ST18: variants seen among roughly 807,000 people sequenced by gnomAD.
ST18 encodes ST18 C2H2C-type zinc finger transcription factor.
A neutral mutation model predicts 110.0 loss-of-function variants in ST18; 50 were observed. The observed-to-expected ratio is 0.45, with a 90% CI of 0.36 to 0.58. The LOEUF (loss-of-function observed/expected upper bound fraction) is 0.58. Among genes scored for constraint, ST18 ranks in the 20% least tolerant of loss-of-function variants. ST18 has a pLI of 0.00. For synonymous variants in ST18, 461 were observed against 452.4 expected, an observed-to-expected ratio of 1.02 and a Z score of -0.24; for missense variants, 1,306 against 1,280.1, an observed-to-expected ratio of 1.02 and a Z score of -0.31.
At chr8:52,204,053 G>A (rs889970415) in intron 8 of ST18, among the ~76,000 whole-genome samples, 2 of 152,174 alleles carry the variant, frequency 1.3e-5, no homozygotes, top group Non-Finnish European at 2.9e-5. Context: ...GATACATGAT[G>A]AATGTTTAAG....
chr8:52,189,403 T>G (rs2073670760), intron 8 of ST18, among the ~76,000 whole-genome samples: 1 of 152,176 alleles, frequency 6.6e-6, no homozygotes, highest in Non-Finnish European at 1.5e-5. Context: ...ATTCCAGAAC[T>G]GCCATTACAA....
chr8:52,159,343 G>A (rs1296252943), intron 14 of ST18, among the ~76,000 whole-genome samples: 1 of 151,990 alleles, frequency 6.6e-6, no homozygotes, highest in Non-Finnish European at 1.5e-5. Flanking sequence ...TAATATTTTT[G>A]TATTTACGCT....
At chr8:52,374,817 G>A (rs567254039) in intron 2 of ST18, among the ~76,000 whole-genome samples, 2 of 152,134 alleles carry the variant, frequency 1.3e-5, no homozygotes, top group African/African-American at 2.4e-5. Flanking sequence ...GTTTGCTGAG[G>A]ATAATGATTT....
intron 2 of ST18, among the ~76,000 whole-genome samples, chr8:52,329,022 G>T (rs554073555): frequency 6.6e-6 from 1 of 152,038 alleles, no homozygotes; most frequent in East Asian, 1.9e-4. Flanking sequence ...TGTGCCCTGA[G>T]GATTCATTTA....
chr8:52,199,456 G>A (rs563337685), intron 8 of ST18: 1 of 152,092 alleles, frequency 6.6e-6, no homozygotes, highest in Non-Finnish European at 1.5e-5. Flanking sequence ...CAGGGATCGT[G>A]GGGTTAAAAA....
At chr8:52,213,209 C>T (rs1379459192) in intron 7 of ST18, among the ~76,000 whole-genome samples, 1 of 151,982 alleles carries the variant, frequency 6.6e-6, no homozygotes, top group African/African-American at 2.4e-5. Flanking sequence ...TTTTGATTAC[C>T]ATGGTTAATG....
intron 8 of ST18, chr8:52,194,607 G>A (rs1379700782): frequency 6.6e-6 from 1 of 152,216 alleles, no homozygotes; most frequent in African/African-American, 2.4e-5. Flanking sequence ...TCCTCCGGGA[G>A]AGCCATCAAC....
At chr8:52,379,184 G>T (rs1450800312) in intron 2 of ST18, among the ~76,000 whole-genome samples, 4 of 148,968 alleles carry the variant, frequency 2.7e-5, no homozygotes, top group Non-Finnish European at 5.9e-5. Flanking sequence ...TGCAACCTCT[G>T]CCTCCCAGGT....
At chr8:52,363,993 T>A (rs1351229458) in intron 2 of ST18, among the ~76,000 whole-genome samples, 3 of 152,198 alleles carry the variant, frequency 2.0e-5, no homozygotes, top group African/African-American at 7.2e-5. Context: ...GACAGTATTT[T>A]TCAAGATCCC....
chr8:52,236,364 C>T (rs938598349), intron 2 of ST18, among the ~76,000 whole-genome samples: 6 of 152,202 alleles, frequency 3.9e-5, no homozygotes, highest in Non-Finnish European at 8.8e-5. Context: ...AATCCTAGCA[C>T]TTTGGGAGGC....
intron 2 of ST18, among the ~76,000 whole-genome samples, chr8:52,325,981 T>C (rs1467650560): frequency 2.6e-5 from 4 of 152,212 alleles, no homozygotes; most frequent in South Asian, 2.1e-4. Flanking sequence ...TGAGATGCTG[T>C]AGAGAATACC....
At chr8:52,196,709 G>C (rs1212242616) in intron 8 of ST18, among the ~76,000 whole-genome samples, 3 of 152,086 alleles carry the variant, frequency 2.0e-5, no homozygotes, top group African/African-American at 7.2e-5. Flanking sequence ...CTTTATCATA[G>C]GTATGTATGT....
intron 8 of ST18, among the ~76,000 whole-genome samples, chr8:52,198,434 G>C (rs2076892930): frequency 6.6e-6 from 1 of 152,154 alleles, no homozygotes; most frequent in African/African-American, 2.4e-5. Flanking sequence ...AAAACCTATA[G>C]ATATACACAG....
chr8:52,270,665 C>T lies in ST18; in HGVS notation c.-464-40588G>A, dbSNP rs149700160. ...CATCATGTTGTACACCCTGAATATA[C>T]GCAACTTTGAAAAACGCATCTTCCA... On this transcript the variant is annotated intron_variant, in intron 2 of 25. Transcript: ENST00000689386. Among the ~76,000 whole-genome samples, 140 of 151,968 alleles carry T rather than the reference C, an allele frequency of 9.2e-4. 1 individual carries two copies. The highest frequency in any genetic ancestry group is 3.1e-3 in the African/African-American group (127 of 41,422).
chr8:52,172,609 G>A (rs2133841721), intron 9 of ST18, 26 bp from the exon 10 acceptor site: 1 of 1,513,860 alleles, frequency 6.6e-7, no homozygotes, highest in Admixed American at 2.4e-5. Flanking sequence ...ACCAATATTT[G>A]AAGAGCAAGA....
At chr8:52,402,149 A>T (rs544077744) in intron 2 of ST18, among the ~76,000 whole-genome samples, 1 of 152,308 alleles carries the variant, frequency 6.6e-6, no homozygotes, top group East Asian at 1.9e-4. Context: ...GGTTCTTGGC[A>T]GCAAGGGCAT....
chr8:52,285,994 T>C (rs1002147715), intron 2 of ST18, among the ~76,000 whole-genome samples: 2 of 152,214 alleles, frequency 1.3e-5, no homozygotes, highest in African/African-American at 4.8e-5. Flanking sequence ...CCTACTACCA[T>C]TACTTGATGA....
Position 52,113,101 on chromosome 8 carries a change from C to A in ST18, c.*97G>T. 7.0e-7 allele frequency: 1 copy of A among 1,433,142 alleles called. No individual in the cohort carries two copies. Among genetic ancestry groups the A allele is most frequent in the Non-Finnish European group, 9.3e-7 (1 of 1,074,818 alleles). The allele number at this position is 1,433,142 out of a possible 1,614,324, so 88.8% of individuals were successfully genotyped here. On this transcript the variant is annotated 3_prime_UTR_variant, in exon 26 of 26. Coordinates refer to ENST00000689386, the MANE Select transcript of ST18 (RefSeq NM_001352837.2). Reference sequence around the variant, plus strand: ...AATGTTGCAAATTGTAAATGCAGTACGGCAACCTCCACGCCTTAGCAGTAC... The same window carrying A: ...AATGTTGCAAATTGTAAATGCAGTAAGGCAACCTCCACGCCTTAGCAGTAC...
chr8:52,155,308 C>T (rs1308298839), intron 15 of ST18, among the ~76,000 whole-genome samples: 2 of 152,136 alleles, frequency 1.3e-5, no homozygotes, highest in Non-Finnish European at 2.9e-5. Context: ...TTGTTTTTCC[C>T]TGATTTAATT....
Sources: gnomAD v4.1 joint callset for allele counts (sites outside exome capture counted in the v4.1 genomes callset) on GRCh38, gnomAD v4.1.1 for gene constraint, MANE v1.5 for transcripts, NCBI Gene and HGNC (gene_info 2026-07-23, HGNC 2026-07-21) for gene names.